TENM3: variants seen among roughly 807,000 people sequenced by gnomAD.
TENM3 encodes the protein teneurin transmembrane protein 3, also known as teneurin-3.
A neutral mutation model predicts 255.1 loss-of-function variants in TENM3; 63 were observed. That is an observed-to-expected ratio of 0.25 (90% CI 0.20 to 0.30). TENM3 has a LOEUF of 0.30. Among genes scored for constraint, TENM3 ranks in the 10% least tolerant of loss-of-function variants. TENM3 has a pLI of 1.00. For synonymous variants in TENM3, 1,306 were observed against 1,322.3 expected (o/e 0.99, Z 0.27); for missense variants, 2,929 against 3,461.1 (o/e 0.85, Z 3.86).
At chr4:182,785,060 G>A (rs577431675) in intron 24 of TENM3, among the ~76,000 whole-genome samples, 16 of 151,630 alleles carry the variant, frequency 1.1e-4, no homozygotes, top group African/African-American at 3.6e-4. Context: ...GTTCCTATTC[G>A]GCCATCTTGG....
Position 182,688,318 on chromosome 4 carries a change from A to G in TENM3, c.2188A>G (p.Ser730Gly). 1 of 1,613,732 alleles carries G rather than the reference A, an allele frequency of 6.2e-7. No homozygotes were observed. The highest frequency in any genetic ancestry group is 1.7e-4 in the Middle Eastern group (1 of 6,060). Residue 730 changes from serine to glycine, a missense_variant, in exon 12 of 28, where the codon AGC becomes GGC. Ser to Gly is a moderately conservative substitution (Grantham distance 56, BLOSUM62 0). Coordinates refer to ENST00000511685, the MANE Select transcript of TENM3 (RefSeq NM_001080477.4). ...GTCKDGKCEC[S>G]QGWNGEHCTI... Reference sequence around the variant, plus strand: ...CTGCAAGGATGGCAAGTGTGAATGCAGCCAGGGCTGGAATGGAGAGCACTG... The same window carrying G: ...CTGCAAGGATGGCAAGTGTGAATGCGGCCAGGGCTGGAATGGAGAGCACTG...
At chr4:182,012,839 C>T in the TENM3 span, 1 of 152,110 alleles carries the variant, frequency 6.6e-6, no homozygotes, top group East Asian at 1.9e-4. Context: ...AATACAGAAG[C>T]ACTTCAGTAA....
the TENM3 span, among the ~76,000 whole-genome samples, chr4:182,104,077 C>T: frequency 5.3e-5 from 8 of 152,150 alleles, no homozygotes; most frequent in Admixed American, 2.6e-4. Context: ...ATATTTAACA[C>T]CCAGTGTGGT....
the TENM3 span, among the ~76,000 whole-genome samples, chr4:181,986,886 G>GA: frequency 2.0e-5 from 3 of 152,112 alleles, no homozygotes; most frequent in South Asian, 2.1e-4. Flanking sequence ...GGGAAATTGA[G>GA]AAAAAATGCT....
intron 3 of TENM3, among the ~76,000 whole-genome samples, chr4:182,586,317 C>G (rs971224210): frequency 1.3e-5 from 2 of 152,090 alleles, no homozygotes; most frequent in African/African-American, 4.8e-5. Context: ...AATTATAGGA[C>G]CTTACATTTA....
At chr4:181,943,724 C>A in the TENM3 span, among the ~76,000 whole-genome samples, 1 of 152,258 alleles carries the variant, frequency 6.6e-6, no homozygotes, top group Non-Finnish European at 1.5e-5. Context: ...AACACATATG[C>A]AATTATATGC....
In TENM3 at chr4:182,632,987, C is replaced by T. The variant is rs116556297; in HGVS notation, c.988+4098C>T. On this transcript the variant is annotated intron_variant, in intron 5 of 27. Coordinates refer to ENST00000511685, the MANE Select transcript of TENM3 (RefSeq NM_001080477.4). ...CTCTGTCTCACAGGCTGGAGTGCAA[C>T]GACGCAGTCACAGCTCACTGCAGCC... 2.5e-3 allele frequency among the ~76,000 whole-genome samples: 384 copies of T among 152,040 alleles called. 1 individual carries two copies. Among genetic ancestry groups the T allele is most frequent in the African/African-American group, 8.4e-3 (349 of 41,466 alleles).
chr4:182,035,660 G>A, the TENM3 span, among the ~76,000 whole-genome samples: 1 of 152,104 alleles, frequency 6.6e-6, no homozygotes, highest in African/African-American at 2.4e-5. Flanking sequence ...GGCAACTGTT[G>A]TATCAGCAGT....
At chr4:182,334,546 A>G (rs958875029) in intron 2 of TENM3, among the ~76,000 whole-genome samples, 2 of 152,162 alleles carry the variant, frequency 1.3e-5, no homozygotes, top group Non-Finnish European at 2.9e-5. Flanking sequence ...GTTAATATGT[A>G]TTTTCAAAAG....
the TENM3 span, among the ~76,000 whole-genome samples, chr4:181,978,721 A>G: frequency 1.3e-5 from 2 of 151,456 alleles, no homozygotes; most frequent in African/African-American, 2.4e-5. Context: ...TTTTCTGTTC[A>G]GGAGGAAAGA....
intron 3 of TENM3, among the ~76,000 whole-genome samples, chr4:182,525,653 TGTA>T (rs1203240590): frequency 6.6e-6 from 1 of 152,196 alleles, no homozygotes; most frequent in African/African-American, 2.4e-5. Context: ...GTTTGGGAGT[TGTA>T]GTAAGGAATT....
At chr4:182,460,943 A>G (rs1341733591) in intron 3 of TENM3, among the ~76,000 whole-genome samples, 1 of 152,206 alleles carries the variant, frequency 6.6e-6, no homozygotes, top group African/African-American at 2.4e-5. Flanking sequence ...GAATTTACGC[A>G]GCATTTGTTG....
chr4:181,907,285 G>A, the TENM3 span, among the ~76,000 whole-genome samples: 1 of 152,308 alleles, frequency 6.6e-6, no homozygotes, highest in Non-Finnish European at 1.5e-5. Flanking sequence ...GTGGCAAGTT[G>A]GAGTGTATGG....
chr4:181,557,103 T>A, the TENM3 span, among the ~76,000 whole-genome samples: 1 of 152,160 alleles, frequency 6.6e-6, no homozygotes, highest in Admixed American at 6.5e-5. Context: ...GCAACAGGTA[T>A]GGTCTACAGA....
the TENM3 span, among the ~76,000 whole-genome samples, chr4:182,078,614 T>C: frequency 6.6e-6 from 1 of 152,174 alleles, no homozygotes; most frequent in African/African-American, 2.4e-5. Flanking sequence ...TTGATACTTT[T>C]TAAAACAATC....
chr4:182,789,342 C>A lies in TENM3; in HGVS notation c.5554C>A (p.Arg1852=), dbSNP rs773755678. ...DYDGQGRIVS[R]VFADGKTWSY... is the part of the protein sequence containing the mutation. ...TGACGGACAGGGGAGGATCGTGTCT[C>A]GGGTCTTTGCTGATGGTAAAACATG... The change falls in exon 25 of 28, where the codon CGG becomes AGG. Residue 1852 remains arginine (R), a synonymous_variant. Coordinates refer to ENST00000511685, the MANE Select transcript of TENM3 (RefSeq NM_001080477.4). This position sits in a 1 kb window ranked among gnomAD's most constrained non-coding sequence, Gnocchi z 4.4. 3 of 1,613,662 alleles carry A rather than the reference C, an allele frequency of 1.9e-6. No homozygotes were observed. In the East Asian group the frequency reaches 6.7e-5, roughly 36 times the overall value.
the TENM3 span, among the ~76,000 whole-genome samples, chr4:181,712,399 T>C: frequency 0.012 from 1,853 of 152,236 alleles, 38 homozygotes; most frequent in African/African-American, 0.042. Context: ...CCCCACTCTC[T>C]TGCTCTCACT....
chr4:182,081,254 G>A, the TENM3 span, among the ~76,000 whole-genome samples: 1 of 151,980 alleles, frequency 6.6e-6, no homozygotes, highest in East Asian at 1.9e-4. Context: ...ATTGAGTGTT[G>A]TATTTTGTGG....
chr4:182,067,826 A>T, the TENM3 span, among the ~76,000 whole-genome samples: 1 of 152,198 alleles, frequency 6.6e-6, no homozygotes, highest in African/African-American at 2.4e-5. Context: ...TTATGTTGAA[A>T]AAGTTTGTGT....
Sources: allele counts gnomAD v4.1 joint callset (sites outside exome capture counted in the v4.1 genomes callset), GRCh38; gene constraint gnomAD v4.1.1; non-coding constraint Gnocchi (gnomAD v3.1); transcripts MANE v1.5; gene names NCBI Gene and HGNC (gene_info 2026-07-23, HGNC 2026-07-21).